The following PPFIA3 variants were observed in gnomAD, a reference collection of about 807,000 sequenced individuals.
PPFIA3 encodes the protein liprin-alpha-3.
In PPFIA3, 26 loss-of-function variants were observed where a neutral mutation model predicts 145.8. The ratio of observed to expected loss-of-function variants is 0.18; its 90% CI spans 0.13 to 0.25. PPFIA3 has a LOEUF of 0.25. Ranked by LOEUF, PPFIA3 falls within the 10% of genes least tolerant of loss-of-function variation. The probability of loss-of-function intolerance (pLI) is 1.00; values close to 1 mark genes in which losing one functional copy is unlikely to be tolerated. For missense variants in PPFIA3, 1,008 were observed against 1,587.8 expected (o/e 0.63, Z 6.21); for synonymous variants, 645 against 661.4 (o/e 0.98, Z 0.38).
intron 16 of PPFIA3, among the ~76,000 whole-genome samples, chr19:49,139,192 G>A (rs2041178871): frequency 6.6e-6 from 1 of 152,036 alleles, no homozygotes; most frequent in African/African-American, 2.4e-5. Flanking sequence ...GTGTATGGTG[G>A]TGTGGGCCTG....
chr19:49,128,030 T>A lies in PPFIA3; in HGVS notation c.157T>A (p.Leu53Met). The part of the protein sequence containing the change: ...LETLREAQDG[L>M]ATAQLRLREL... ...GACGCTGCGCGAGGCACAGGACGGG[T>A]TGGCTACAGCGCAGCTGCGGCTGCG... is the stretch of plus-strand genomic sequence containing the variant. Residue 53 changes from leucine to methionine, a missense_variant, in exon 2 of 30, where the codon TTG (leucine) becomes ATG (methionine). By Grantham distance (15) the Leu-to-Met change is conservative (BLOSUM62 2). This residue lies in a region of PPFIA3 where 108 missense variants were observed against 144.3 expected (regional missense o/e 0.75). Transcript: ENST00000334186. The surrounding 1 kb of genome is among the most constrained non-coding windows in gnomAD (Gnocchi z 4.1). 2 of 1,596,540 alleles carry A rather than the reference T, an allele frequency of 1.3e-6. No individual in the cohort carries two copies. The highest frequency in any genetic ancestry group is 8.5e-7 in the Non-Finnish European group (1 of 1,179,082).
rs367994797 is a variant in PPFIA3 at position 49,142,734 on chromosome 19, T to C, written c.2545-70T>C. 3.2e-4 allele frequency: 454 copies of C among 1,411,718 alleles called. 6 individuals are homozygous for C. In the African/African-American group the frequency reaches 6.1e-3, roughly 19 times the overall value. 87.4% of individuals were successfully genotyped at this position (1,411,718 alleles called of 1,614,324 possible). A position where few individuals can be genotyped will look rare whatever the true frequency, so the allele number is the denominator to read the frequency against. On this transcript the variant is annotated intron_variant, in intron 20 of 29. Transcript: ENST00000334186. The stretch of plus-strand genomic sequence containing the variant: ...CCCTTGCCTTTCCCCACCTCCCTGT[T>C]CCCCCATCTCTCCGATTTTCTCCTC...
intron 23 of PPFIA3, among the ~76,000 whole-genome samples, chr19:49,146,800 A>G (rs1042464707): frequency 6.6e-6 from 1 of 152,046 alleles, no homozygotes; most frequent in African/African-American, 2.4e-5. Context: ...TGCAGTGGCT[A>G]GCGTATGTAA....
chr19:49,134,599 C>G, intron 11 of PPFIA3, 40 bp from the exon 12 acceptor site: 6 of 1,596,942 alleles, frequency 3.8e-6, no homozygotes, highest in Non-Finnish European at 5.1e-6. Flanking sequence ...GGGCGTGGCC[C>G]CTCAGGCCTC....
intron 15 of PPFIA3, 103 bp downstream of exon 15, chr19:49,137,014 C>A: frequency 1.8e-6 from 2 of 1,131,686 alleles, no homozygotes; most frequent in Non-Finnish European, 2.4e-6. Context: ...TCCTCTTACA[C>A]CATCCACAAG....
In PPFIA3 at chr19:49,150,880, T is replaced by G; in HGVS notation, c.*658T>G. The G allele has an allele frequency of 4.3e-5, 7 of 162,646 alleles. No homozygotes were observed. Among genetic ancestry groups the G allele is most frequent in the Non-Finnish European group, 8.0e-5 (6 of 74,852 alleles). The allele number at this position is 162,646 out of a possible 1,614,324, so 10.1% of individuals were successfully genotyped here. A position where few individuals can be genotyped will look rare whatever the true frequency, so the allele number is the denominator to read the frequency against. On this transcript the variant is annotated 3_prime_UTR_variant, in exon 30 of 30. Coordinates refer to ENST00000334186, the MANE Select transcript of PPFIA3 (RefSeq NM_003660.4). ...TTCTCCTCTGGCTCCGGGGTTTGCA[T>G]GGGAGAATCCTCTTTCCACGATGCC...
chr19:49,124,947 G>A (rs1397031907), intron 1 of PPFIA3, among the ~76,000 whole-genome samples: 1 of 152,132 alleles, frequency 6.6e-6, no homozygotes, highest in Non-Finnish European at 1.5e-5. Context: ...CGAGCCTGTA[G>A]TCGCAGTTAC....
At chr19:49,131,063 G>A (rs951325425) in intron 7 of PPFIA3, among the ~76,000 whole-genome samples, 1 of 145,168 alleles carries the variant, frequency 6.9e-6, no homozygotes, top group African/African-American at 2.5e-5. Context: ...TAGTAGAGAT[G>A]GGGTTTCACT....
Position 49,130,227 on chromosome 19 carries a change from C to A in PPFIA3, c.658-151C>A. 1 of 1,118,032 alleles carries A rather than the reference C, an allele frequency of 8.9e-7. No individual in the cohort carries two copies. The highest frequency in any genetic ancestry group is 1.3e-6 in the Non-Finnish European group (1 of 793,976). 69.3% of individuals were successfully genotyped at this position (1,118,032 alleles called of 1,614,324 possible). A position where few individuals can be genotyped will look rare whatever the true frequency, so the allele number is the denominator to read the frequency against. ...CTGATTCAGGTCACCTAGCGAACTT[C>A]TGTGACCTCCTTCACTGACCCCCGT... On this transcript the variant is annotated intron_variant, in intron 6 of 29. Transcript: ENST00000334186. The surrounding 1 kb of genome is among the most constrained non-coding windows in gnomAD (Gnocchi z 4.5).
intron 23 of PPFIA3, among the ~76,000 whole-genome samples, chr19:49,147,726 G>T (rs1451753992): frequency 8.6e-6 from 1 of 116,126 alleles, no homozygotes; most frequent in South Asian, 2.7e-4. Flanking sequence ...GAGAAAGAAA[G>T]AAATTTAAAA....
At chr19:49,123,834 TC>T (rs1231190351) in intron 1 of PPFIA3, among the ~76,000 whole-genome samples, 2 of 152,220 alleles carry the variant, frequency 1.3e-5, no homozygotes, top group Non-Finnish European at 2.9e-5. Flanking sequence ...TCATTTTCTG[TC>T]ATTTTTTCCC....
At position 49,149,701 on chromosome 19, in the gene PPFIA3, G is replaced by A; in HGVS notation, c.3509G>A (p.Arg1170His). 1 of 1,610,140 alleles carries A rather than the reference G, an allele frequency of 6.2e-7. No homozygotes were observed. Among genetic ancestry groups the A allele is most frequent in the Non-Finnish European group, 8.5e-7 (1 of 1,178,124 alleles). Reference sequence around the variant, plus strand: ...CTGGGCTCTCCGGGGCTCCCTCTCCGCAAGCTGCAGCCAGAAGGTGGGGGG... The same window carrying A: ...CTGGGCTCTCCGGGGCTCCCTCTCCACAAGCTGCAGCCAGAAGGTGGGGGG... ...GALGSPGLPL[R>H]KLQPEGQTSG... The change falls in exon 28 of 30, where the codon CGC (arginine) becomes CAC (histidine). Residue 1170 changes from arginine to histidine, a missense_variant. By Grantham distance (29) the Arg-to-His change is conservative. Around this residue, in one of 11 missense-constraint regions of PPFIA3, gnomAD observed 125 missense variants for 159.3 expected, o/e 0.78. Transcript: ENST00000334186. This position sits in a 1 kb window ranked among gnomAD's most constrained non-coding sequence, Gnocchi z 5.7.
Position 49,128,512 on chromosome 19 carries a change from G to C in PPFIA3, c.342+44G>C. On this transcript the variant is annotated intron_variant, in intron 3 of 29. Coordinates refer to ENST00000334186, the MANE Select transcript of PPFIA3 (RefSeq NM_003660.4). This position sits in a 1 kb window ranked among gnomAD's most constrained non-coding sequence, Gnocchi z 4.1. ...GGGGCCTAAGTGGGGGCGGGGCCTC[G>C]TGGTGTTGAAGTGGGGGGCGGGGCC... 2 of 1,541,680 alleles carry C rather than the reference G, an allele frequency of 1.3e-6. No homozygotes were observed. Among genetic ancestry groups the C allele is most frequent in the Non-Finnish European group, 1.8e-6 (2 of 1,119,996 alleles).
Position 49,136,747 on chromosome 19 carries a change from G to C in PPFIA3, c.1689G>C (p.Ala563=). Residue 563 remains alanine, a synonymous_variant, in exon 15 of 30, where the codon GCG becomes GCC. Transcript: ENST00000334186. Reference sequence around the variant, plus strand: ...AGGATTGGGAGCGGTCTGCCCCTGCGGGCTCCATACCACCCCCATTCCCTG... The same window carrying C: ...AGGATTGGGAGCGGTCTGCCCCTGCCGGCTCCATACCACCCCCATTCCCTG... ...PSKDWERSAP[A]GSIPPPFPGE... 6.4e-7 allele frequency: 1 copy of C among 1,557,956 alleles called. No homozygotes were observed. The highest frequency in any genetic ancestry group is 8.7e-7 in the Non-Finnish European group (1 of 1,148,716).
rs75918862 is a variant in PPFIA3 at position 49,139,651 on chromosome 19, G to A, written c.2077-17G>A. 17,273 of 1,558,198 alleles carry A rather than the reference G, an allele frequency of 0.011. 104 individuals carry two copies. Among genetic ancestry groups the A allele is most frequent in the Non-Finnish European group, 0.013 (15,034 of 1,153,772 alleles). ...ACTCTTTGAACTCAATCCAGCATCTGTGCCCTCTGTCCTCAGAATCATGTC... is the reference window on the plus strand; with the variant it reads ...ACTCTTTGAACTCAATCCAGCATCTATGCCCTCTGTCCTCAGAATCATGTC... On this transcript the variant is annotated splice_polypyrimidine_tract_variant and intron_variant, in intron 16 of 29. Coordinates refer to ENST00000334186, the MANE Select transcript of PPFIA3 (RefSeq NM_003660.4).
chr19:49,138,142 C>T, intron 15 of PPFIA3, 63 bp from the exon 16 acceptor site: 1 of 1,473,400 alleles, frequency 6.8e-7, no homozygotes, highest in Non-Finnish European at 9.1e-7. Flanking sequence ...ATTGTGCTCC[C>T]AGATTCCCTC....
intron 23 of PPFIA3, 34 bp from the exon 24 acceptor site, chr19:49,148,049 G>A (rs775520887): frequency 4.0e-5 from 63 of 1,590,888 alleles, no homozygotes; most frequent in Middle Eastern, 3.4e-4. Context: ...GGGCCAGAGG[G>A]CCTGACTCTT....
At position 49,129,366 on chromosome 19, in the gene PPFIA3, G is replaced by A; in HGVS notation, c.508-14G>A. The A allele has an allele frequency of 2.6e-6, 4 of 1,549,246 alleles. No homozygotes were observed. The African/African-American group carries it at 5.5e-5, about 21-fold the overall frequency. On this transcript the variant is annotated splice_polypyrimidine_tract_variant and intron_variant, in intron 4 of 29. Coordinates refer to ENST00000334186, the MANE Select transcript of PPFIA3 (RefSeq NM_003660.4). ...CTTGTCTCCAGCTGACTGTTGCCCTGCCCCGATCCCCAGGTCCGGGAGCGG... is the reference window on the plus strand; with the variant it reads ...CTTGTCTCCAGCTGACTGTTGCCCTACCCCGATCCCCAGGTCCGGGAGCGG...
At chr19:49,146,246 G>A in intron 23 of PPFIA3, 54 bp downstream of exon 23, 2 of 1,593,390 alleles carry the variant, frequency 1.3e-6, no homozygotes, top group South Asian at 2.3e-5. Context: ...CACGACGCAT[G>A]GATGCCCCTC....
Sources: allele counts gnomAD v4.1 joint callset (sites outside exome capture counted in the v4.1 genomes callset), GRCh38; gene constraint gnomAD v4.1.1; regional missense constraint gnomAD v4.1.1; non-coding constraint Gnocchi (gnomAD v3.1); transcripts MANE v1.5; gene names NCBI Gene and HGNC (gene_info 2026-07-23, HGNC 2026-07-21).